The following RBFOX1 variants were observed in gnomAD, a reference collection of about 807,000 sequenced individuals.
RBFOX1 encodes the protein RNA binding protein fox-1 homolog 1.
RBFOX1 carries 8 observed loss-of-function variants against 57.7 expected under a neutral mutation model. That is an observed-to-expected ratio of 0.14 (90% CI 0.08 to 0.25). RBFOX1 has a LOEUF of 0.25. RBFOX1 is among the 10% of genes least tolerant of loss of function. The pLI is 1.00. For synonymous variants in RBFOX1, 326 were observed against 222.4 expected (o/e 1.47, Z -4.15); for missense variants, 611 against 548.5 (o/e 1.11, Z -1.14).
chr16:7,037,498 A>C (rs1034743953), intron 3 of RBFOX1, among the ~76,000 whole-genome samples: 1 of 152,102 alleles, frequency 6.6e-6, no homozygotes, highest in Non-Finnish European at 1.5e-5. Flanking sequence ...CTAAATATCT[A>C]AGGAAACAGT....
At chr16:5,710,420 T>C (rs1198436677) in intron 3 of RBFOX1, among the ~76,000 whole-genome samples, 2 of 152,148 alleles carry the variant, frequency 1.3e-5, no homozygotes, top group African/African-American at 4.8e-5. Flanking sequence ...CCTTGCGCAG[T>C]TGCGGGCCTC....
rs145437452 is a variant in RBFOX1, at chr16:6,527,009, C to A, written c.-63-127594C>A. Among the ~76,000 whole-genome samples, 536 of 152,102 alleles carry A rather than the reference C, an allele frequency of 3.5e-3. 1 individual carries two copies. Among genetic ancestry groups the A allele is most frequent in the Middle Eastern group, 0.034 (10 of 294 alleles). ...GAGAAATTCAAATCTGGAAATCCAA[C>A]TTAAATCTGCTTTTAAACGTTATTA... On this transcript the variant is annotated intron_variant, in intron 2 of 15. Coordinates refer to ENST00000550418, the MANE Select transcript of RBFOX1 (RefSeq NM_018723.4).
At chr16:6,843,350 A>G (rs191162301) in intron 3 of RBFOX1, among the ~76,000 whole-genome samples, 2 of 152,194 alleles carry the variant, frequency 1.3e-5, no homozygotes, top group African/African-American at 4.8e-5. Context: ...AGGGAGGAAA[A>G]AAAAAAATTC....
chr16:6,068,635 A>T (rs2095797277), intron 1 of RBFOX1, among the ~76,000 whole-genome samples: 1 of 152,168 alleles, frequency 6.6e-6, no homozygotes, highest in Non-Finnish European at 1.5e-5. Context: ...CAGCACCTGG[A>T]CCCATTTAGA....
intron 4 of RBFOX1, among the ~76,000 whole-genome samples, chr16:7,118,757 A>T (rs1366281768): frequency 6.6e-6 from 1 of 152,160 alleles, no homozygotes; most frequent in Non-Finnish European, 1.5e-5. Flanking sequence ...GATGCACACC[A>T]CAAGAATTTG....
intron 4 of RBFOX1, among the ~76,000 whole-genome samples, chr16:7,248,997 C>G (rs2094415047): frequency 6.6e-6 from 1 of 152,066 alleles, no homozygotes; most frequent in Non-Finnish European, 1.5e-5. Context: ...TTTGATTTTG[C>G]AAGACTGAGA....
chr16:5,389,906 C>G (rs915677735), intron 1 of RBFOX1, among the ~76,000 whole-genome samples: 2 of 152,060 alleles, frequency 1.3e-5, no homozygotes, highest in Non-Finnish European at 2.9e-5. Context: ...CCATGTTGCC[C>G]AGGCTGGTCT....
intron 4 of RBFOX1, among the ~76,000 whole-genome samples, chr16:7,059,356 T>A (rs761604814): frequency 1.4e-4 from 22 of 152,194 alleles, no homozygotes; most frequent in Non-Finnish European, 3.1e-4. Context: ...GATGGTTCGT[T>A]GTAGAAATGC....
intron 3 of RBFOX1, among the ~76,000 whole-genome samples, chr16:5,693,005 T>A (rs1291176279): frequency 1.3e-5 from 2 of 152,234 alleles, no homozygotes; most frequent in Admixed American, 1.3e-4. Context: ...TTTTTCCAGC[T>A]TCCCCCCAGC....
At chr16:6,375,316 C>A (rs1445254884) in intron 2 of RBFOX1, among the ~76,000 whole-genome samples, 1 of 151,958 alleles carries the variant, frequency 6.6e-6, no homozygotes, top group Non-Finnish European at 1.5e-5. Context: ...AAACAAAAAC[C>A]ACCTTCCCTG....
intron 3 of RBFOX1, among the ~76,000 whole-genome samples, chr16:6,810,654 C>T (rs760099163): frequency 2.0e-5 from 3 of 152,016 alleles, no homozygotes; most frequent in South Asian, 2.1e-4. Context: ...GTTTAATTGA[C>T]GCAGTTCCAC....
At chr16:6,843,427 A>G (rs569622738) in intron 3 of RBFOX1, among the ~76,000 whole-genome samples, 9 of 152,120 alleles carry the variant, frequency 5.9e-5, no homozygotes, top group Non-Finnish European at 7.4e-5. Context: ...GGTGGCTTAC[A>G]CCTGTAATCC....
chr16:5,735,179 G>C (rs993951480), intron 3 of RBFOX1, among the ~76,000 whole-genome samples: 4 of 152,234 alleles, frequency 2.6e-5, no homozygotes, highest in Admixed American at 6.5e-5. Context: ...AAATATGATG[G>C]AACCACCTTT....
At chr16:6,976,860 T>C (rs2087038446) in intron 3 of RBFOX1, among the ~76,000 whole-genome samples, 1 of 10,036 alleles carries the variant, frequency 1.0e-4, no homozygotes, top group African/African-American at 8.4e-4. Flanking sequence ...ATATCACATA[T>C]ATATCACATA....
chr16:6,288,785 G>A (rs1382423788), intron 1 of RBFOX1, among the ~76,000 whole-genome samples: 1 of 152,130 alleles, frequency 6.6e-6, no homozygotes, highest in African/African-American at 2.4e-5. Context: ...ATGCCTCTGT[G>A]CTTGGCTGCA....
intron 4 of RBFOX1, among the ~76,000 whole-genome samples, chr16:7,448,488 C>T (rs978027833): frequency 9.9e-5 from 15 of 152,158 alleles, no homozygotes; most frequent in African/African-American, 3.6e-4. Flanking sequence ...TTAATAAAAC[C>T]ATCAGCTCTC....
intron 10 of RBFOX1, among the ~76,000 whole-genome samples, chr16:7,621,802 T>C (rs1365165985): frequency 6.6e-6 from 1 of 152,184 alleles, no homozygotes; most frequent in Non-Finnish European, 1.5e-5. Flanking sequence ...CTTAGAACAC[T>C]GATCAGCAAA....
At chr16:5,581,485 C>T (rs1344769241) in intron 2 of RBFOX1, among the ~76,000 whole-genome samples, 3 of 152,200 alleles carry the variant, frequency 2.0e-5, no homozygotes, top group African/African-American at 4.8e-5. Context: ...CAGACATCTA[C>T]TTTGTAATTA....
chr16:5,711,548 C>G (rs1481420291), intron 3 of RBFOX1, among the ~76,000 whole-genome samples: 1 of 152,084 alleles, frequency 6.6e-6, no homozygotes, highest in African/African-American at 2.4e-5. Flanking sequence ...AAATAAAGAG[C>G]ATTAGGTGGC....
Sources: allele counts gnomAD v4.1 joint callset (sites outside exome capture counted in the v4.1 genomes callset), GRCh38; gene constraint gnomAD v4.1.1; transcripts MANE v1.5; gene names NCBI Gene and HGNC (gene_info 2026-07-23, HGNC 2026-07-21).